Variants in TRPM6 observed in about 807,000 individuals in gnomAD.
TRPM6 encodes the protein channel kinase 2.
A neutral mutation model predicts 247.6 loss-of-function variants in TRPM6; 111 were observed. The observed-to-expected ratio is 0.45, with a 90% CI of 0.38 to 0.52. The LOEUF is 0.52. TRPM6 is among the 20% of genes least tolerant of loss of function. The pLI is 0.00. For missense variants in TRPM6, 2,126 were observed against 2,421.5 expected (o/e 0.88, Z 2.56); for synonymous variants, 892 against 853.8 (o/e 1.04, Z -0.78).
chr9:74,800,234 G>A lies in TRPM6; in HGVS notation c.2238+20C>T, dbSNP rs1443529156. 18 of 1,600,254 alleles carry A rather than the reference G, an allele frequency of 1.1e-5. No homozygotes were observed. The highest frequency in any genetic ancestry group is 1.4e-5 in the Non-Finnish European group (16 of 1,167,454). On this transcript the variant is annotated intron_variant, in intron 17 of 38. Transcript: ENST00000360774. ...ACAAGACTAACATTAAACTCCATAA[G>A]ACAAGTAAAGTAAATTTACCTTTAA... is the stretch of plus-strand genomic sequence containing the variant.
intron 25 of TRPM6, among the ~76,000 whole-genome samples, chr9:74,769,772 G>A (rs1321095634): frequency 4.5e-5 from 6 of 131,900 alleles, no homozygotes. Context: ...AGGAAGGAAG[G>A]AAGGAAGGAA....
At chr9:74,746,106 G>A (rs996406853) in intron 31 of TRPM6, among the ~76,000 whole-genome samples, 2 of 152,072 alleles carry the variant, frequency 1.3e-5, no homozygotes, top group East Asian at 3.9e-4. Context: ...GCCGGGCGTG[G>A]TGGGTTCCTG....
intron 23 of TRPM6, among the ~76,000 whole-genome samples, chr9:74,776,877 T>C (rs562057867): frequency 1.2e-4 from 19 of 152,344 alleles, no homozygotes; most frequent in African/African-American, 4.3e-4. Context: ...TCTTGCAGTG[T>C]CAAAATTTTA....
rs1422056293 is a variant in TRPM6, at chr9:74,724,209, G to A, written c.*404C>T. On this transcript the variant is annotated 3_prime_UTR_variant, in exon 39 of 39. Transcript: ENST00000360774. ...AGACATAAATACAATCTGTGGGTGA[G>A]GTGACAAATAGTAGTAGGGGGTCCA... 3.9e-6 allele frequency: 1 copy of A among 258,052 alleles called. No individual in the cohort carries two copies. Among genetic ancestry groups the A allele is most frequent in the Admixed American group, 5.0e-5 (1 of 20,140 alleles). 16.0% of individuals were successfully genotyped at this position (258,052 alleles called of 1,614,324 possible). A position where few individuals can be genotyped will look rare whatever the true frequency, so the allele number is the denominator to read the frequency against.
chr9:74,771,904 A>T, intron 24 of TRPM6, 69 bp from the exon 25 acceptor site: 2 of 1,439,448 alleles, frequency 1.4e-6, no homozygotes, highest in Non-Finnish European at 1.9e-6. Context: ...CTTTTCTTCC[A>T]CTTGTATTGA....
chr9:74,851,829 A>C (rs1830328693), intron 3 of TRPM6, among the ~76,000 whole-genome samples: 1 of 150,324 alleles, frequency 6.7e-6, no homozygotes, highest in Admixed American at 6.6e-5. Flanking sequence ...AAGGAGATTT[A>C]GGATTATTTT....
At chr9:74,729,310 A>G (rs189276069) in intron 37 of TRPM6, among the ~76,000 whole-genome samples, 177 of 152,366 alleles carry the variant, frequency 1.2e-3, no homozygotes, top group African/African-American at 4.2e-3. Context: ...CTTCTAAGGA[A>G]TGCGGTTTTT....
intron 25 of TRPM6, among the ~76,000 whole-genome samples, chr9:74,766,897 C>T (rs545922512): frequency 1.3e-5 from 2 of 151,892 alleles, no homozygotes; most frequent in East Asian, 1.9e-4. Context: ...GCAACAAGAG[C>T]GAAACTCCGT....
chr9:74,836,890 C>T (rs1829743381), intron 5 of TRPM6, among the ~76,000 whole-genome samples: 1 of 152,202 alleles, frequency 6.6e-6, no homozygotes, highest in Admixed American at 6.5e-5. Flanking sequence ...AAGACCAATG[C>T]CAAGTGCTAT....
chr9:74,833,211 A>G (rs1192677133), intron 6 of TRPM6, among the ~76,000 whole-genome samples: 1 of 152,208 alleles, frequency 6.6e-6, no homozygotes, highest in Admixed American at 6.5e-5. Context: ...GTCCTTATAC[A>G]CACATACATA....
At position 74,771,700 on chromosome 9, in the gene TRPM6, T is replaced by C. The variant is rs745369577; in HGVS notation, c.3536+3A>G. On this transcript the variant is annotated splice_donor_region_variant and intron_variant, in intron 25 of 38. Coordinates refer to ENST00000360774, the MANE Select transcript of TRPM6 (RefSeq NM_017662.5). ...CAGAATGGAAAAGATTTATATCTTT[T>C]ACCTTTCTGATGTCACTCGGATTCG... 5.0e-6 allele frequency: 8 copies of C among 1,613,594 alleles called. No individual in the cohort carries two copies. The East Asian group carries it at 1.6e-4, about 31-fold the overall frequency.
intron 1 of TRPM6, among the ~76,000 whole-genome samples, chr9:74,864,222 T>C (rs1385448754): frequency 1.3e-5 from 2 of 152,232 alleles, no homozygotes; most frequent in African/African-American, 4.8e-5. Context: ...GACAATATTT[T>C]CAGACTCCAG....
intron 27 of TRPM6, among the ~76,000 whole-genome samples, chr9:74,759,524 T>C (rs1826551359): frequency 6.6e-6 from 1 of 152,094 alleles, no homozygotes; most frequent in Non-Finnish European, 1.5e-5. Flanking sequence ...GAAAAAGATA[T>C]CTTTTTACCA....
rs1177410668 is a variant in TRPM6, at chr9:74,782,345, T to C, written c.3209+17A>G. ...CATTTCTTATTTAAATAATCATATT[T>C]AATTGAAATAACCTACTTGAAGAAA... On this transcript the variant is annotated intron_variant, in intron 23 of 38. Coordinates refer to ENST00000360774, the MANE Select transcript of TRPM6 (RefSeq NM_017662.5). 6.4e-7 allele frequency: 1 copy of C among 1,561,818 alleles called. No individual in the cohort carries two copies. Among genetic ancestry groups the C allele is most frequent in the South Asian group, 1.1e-5 (1 of 89,682 alleles).
Position 74,762,607 on chromosome 9 carries a change from G to C in TRPM6, c.4064C>G (p.Pro1355Arg). ...AGGCAAGACAGTTTCTGCTGAAAAA[G>C]GAACTCGCTTTAGATTAGAGGGGAC... The part of the protein sequence containing the change: ...LLVPSNLKRV[P>R]FSAETVLPLS... Residue 1355 changes from proline to arginine, a missense_variant, in exon 26 of 39, where the codon CCT becomes CGT. Physicochemically the swap from Pro to Arg is moderately radical, Grantham distance 103 (BLOSUM62 -2). This residue lies in a region of TRPM6 where 717 missense variants were observed against 715.9 expected (regional missense o/e 1.00). Transcript: ENST00000360774. 1 of 1,614,158 alleles carries C rather than the reference G, an allele frequency of 6.2e-7. No individual in the cohort carries two copies. Among genetic ancestry groups the C allele is most frequent in the Non-Finnish European group, 8.5e-7 (1 of 1,180,036 alleles).
chr9:74,796,070 G>A (rs779501564), intron 18 of TRPM6, among the ~76,000 whole-genome samples: 2 of 152,150 alleles, frequency 1.3e-5, no homozygotes, highest in African/African-American at 2.4e-5. Flanking sequence ...TACTTAATCA[G>A]TGTTATGAAA....
chr9:74,768,381 T>G (rs1826901230), intron 25 of TRPM6, among the ~76,000 whole-genome samples: 1 of 152,238 alleles, frequency 6.6e-6, no homozygotes, highest in Non-Finnish European at 1.5e-5. Context: ...TACAGTTGAC[T>G]GTCCCAATAA....
chr9:74,804,418 A>G (rs1587525044), intron 14 of TRPM6: 2 of 526,648 alleles, frequency 3.8e-6, no homozygotes, highest in East Asian at 6.9e-5. Flanking sequence ...AACAAGATAC[A>G]AAAACAAAAA....
intron 13 of TRPM6, among the ~76,000 whole-genome samples, chr9:74,808,773 C>T (rs989223030): frequency 6.6e-6 from 1 of 152,136 alleles, no homozygotes; most frequent in African/African-American, 2.4e-5. Context: ...GGAAGTAGAA[C>T]AAATGAAAAC....
Sources: gnomAD v4.1 joint callset for allele counts (sites outside exome capture counted in the v4.1 genomes callset) on GRCh38, gnomAD v4.1.1 for gene constraint, gnomAD v4.1.1 regional missense constraint, MANE v1.5 for transcripts, NCBI Gene and HGNC (gene_info 2026-07-23, HGNC 2026-07-21) for gene names.